The following TRABD2B variants were observed in gnomAD, a reference collection of about 807,000 sequenced individuals.
TRABD2B encodes metalloprotease TIKI2.
A neutral mutation model predicts 40.1 loss-of-function variants in TRABD2B; 14 were observed. The observed-to-expected ratio is 0.35, with a 90% confidence interval of 0.23 to 0.55. The LOEUF (loss-of-function observed/expected upper bound fraction) is 0.55. TRABD2B is among the 20% of genes least tolerant of loss of function. The probability of loss-of-function intolerance (pLI) is 0.90; values close to 1 mark genes in which losing one functional copy is unlikely to be tolerated. For synonymous variants in TRABD2B, 263 were observed against 277.0 expected (o/e 0.95, Z 0.50); for missense variants, 541 against 648.6 (o/e 0.83, Z 1.80).
At chr1:47,828,941 C>T (rs1226152946) in intron 2 of TRABD2B, among the ~76,000 whole-genome samples, 1 of 152,202 alleles carries the variant, frequency 6.6e-6, no homozygotes, top group African/African-American at 2.4e-5. Context: ...GTCCTGTGCA[C>T]ACCTACTGTG....
At chr1:47,941,298 C>A (rs1190517622) in intron 2 of TRABD2B, among the ~76,000 whole-genome samples, 2 of 152,202 alleles carry the variant, frequency 1.3e-5, no homozygotes, top group East Asian at 3.9e-4. Flanking sequence ...CGCCACCAGA[C>A]CCCATCCTGA....
chr1:47,940,644 T>C (rs1047124683), intron 2 of TRABD2B, among the ~76,000 whole-genome samples: 1 of 152,184 alleles, frequency 6.6e-6, no homozygotes, highest in African/African-American at 2.4e-5. Context: ...ACAGGCTTCC[T>C]GAGCCCCGCT....
intron 2 of TRABD2B, among the ~76,000 whole-genome samples, chr1:47,858,482 C>T (rs1643921489): frequency 1.3e-5 from 2 of 152,196 alleles, no homozygotes; most frequent in South Asian, 2.1e-4. Flanking sequence ...TGATCTCAAA[C>T]TCCTGGCCTC....
chr1:47,863,189 C>G (rs1329504887), intron 2 of TRABD2B, among the ~76,000 whole-genome samples: 1 of 150,794 alleles, frequency 6.6e-6, no homozygotes, highest in African/African-American at 2.4e-5. Flanking sequence ...AAAGCATGAT[C>G]CATGAAAGAA....
chr1:47,874,671 G>A (rs953099414), intron 2 of TRABD2B, among the ~76,000 whole-genome samples: 1 of 151,312 alleles, frequency 6.6e-6, no homozygotes, highest in African/African-American at 2.4e-5. Flanking sequence ...GGGCTCAAGG[G>A]ATCCTCCCAC....
chr1:47,826,270 A>G lies in TRABD2B; in HGVS notation c.667-24651T>C, dbSNP rs1308098920. 1.3e-5 allele frequency among the ~76,000 whole-genome samples: 2 copies of G among 152,152 alleles called. 1 individual carries two copies. Among genetic ancestry groups the G allele is most frequent in the Non-Finnish European group, 2.9e-5 (2 of 68,020 alleles). On this transcript the variant is annotated intron_variant, in intron 2 of 6. Transcript: ENST00000606738. ...TTGAAAGGACATTTCTAATTTTACCATTGTGTTTGGTTGTGGTTTAGCTCA... is the reference window on the plus strand; with the variant it reads ...TTGAAAGGACATTTCTAATTTTACCGTTGTGTTTGGTTGTGGTTTAGCTCA...
chr1:47,986,373 A>G (rs1372895574), intron 2 of TRABD2B, among the ~76,000 whole-genome samples: 2 of 152,374 alleles, frequency 1.3e-5, no homozygotes, highest in East Asian at 3.9e-4. Flanking sequence ...CTCCAACCAC[A>G]GAATATACCA....
intron 2 of TRABD2B, among the ~76,000 whole-genome samples, chr1:47,854,448 G>A (rs1643870243): frequency 6.6e-6 from 1 of 152,098 alleles, no homozygotes; most frequent in Non-Finnish European, 1.5e-5. Context: ...TTTCCTTTGA[G>A]GTCACATAAT....
At chr1:47,811,093 C>T (rs1476175280) in intron 2 of TRABD2B, among the ~76,000 whole-genome samples, 2 of 152,178 alleles carry the variant, frequency 1.3e-5, no homozygotes, top group African/African-American at 2.4e-5. Context: ...CTGTAGAGCC[C>T]TGTGGTCTTT....
intron 2 of TRABD2B, among the ~76,000 whole-genome samples, chr1:47,873,009 G>A (rs34554207): frequency 0.013 from 1,924 of 152,306 alleles, 18 homozygotes; most frequent in Middle Eastern, 0.048. Flanking sequence ...TCAGTGCCTG[G>A]TGGGGCCCAC....
At chr1:47,974,065 C>T (rs1175845442) in intron 2 of TRABD2B, among the ~76,000 whole-genome samples, 2 of 152,168 alleles carry the variant, frequency 1.3e-5, no homozygotes, top group African/African-American at 2.4e-5. Context: ...GATCACACCA[C>T]ACCACTGCAC....
At position 47,766,096 on chromosome 1, in the gene TRABD2B, A is replaced by G. The variant is rs1569862210; in HGVS notation, c.1360T>C (p.Ser454Pro). Residue 454 changes from serine (S) to proline (P), a missense_variant, in exon 7 of 7, where the codon TCA (serine) becomes CCA (proline). Transcript: ENST00000606738. Reference sequence around the variant, plus strand: ...GGCTGCAGGGGCAGCGGGGGTGGTGAGGCGGTGGTGCTGGAAAGGAGGAAG... The same window carrying G: ...GGCTGCAGGGGCAGCGGGGGTGGTGGGGCGGTGGTGCTGGAAAGGAGGAAG... ...WVRIEDSTTA[S>P]PPPLPLQPTH... 1.4e-6 allele frequency: 1 copy of G among 701,458 alleles called. No homozygotes were observed. Among genetic ancestry groups the G allele is most frequent in the Non-Finnish European group, 2.6e-6 (1 of 384,342 alleles). The allele number at this position is 701,458 out of a possible 1,614,324, so 43.5% of individuals were successfully genotyped here. A position where few individuals can be genotyped will look rare whatever the true frequency, so the allele number is the denominator to read the frequency against.
chr1:47,984,826 G>A (rs1327950674), intron 2 of TRABD2B, among the ~76,000 whole-genome samples: 1 of 150,928 alleles, frequency 6.6e-6, no homozygotes, highest in East Asian at 2.0e-4. Context: ...ACAAGCCACA[G>A]CCTCCCTCCT....
intron 2 of TRABD2B, among the ~76,000 whole-genome samples, chr1:47,849,360 G>A (rs752001499): frequency 5.9e-5 from 9 of 152,206 alleles, no homozygotes; most frequent in Non-Finnish European, 1.2e-4. Context: ...GTGAACGAAG[G>A]AGGAAGGCCC....
intron 2 of TRABD2B, among the ~76,000 whole-genome samples, chr1:47,902,708 G>C (rs1035259288): frequency 6.6e-6 from 1 of 152,066 alleles, no homozygotes; most frequent in Non-Finnish European, 1.5e-5. Context: ...GGCTGGTCTT[G>C]AACTCCTGGC....
At chr1:47,881,977 C>A (rs1644310096) in intron 2 of TRABD2B, among the ~76,000 whole-genome samples, 1 of 152,216 alleles carries the variant, frequency 6.6e-6, no homozygotes, top group African/African-American at 2.4e-5. Context: ...GGCTCTGACG[C>A]ATTGCCTGTG....
intron 2 of TRABD2B, among the ~76,000 whole-genome samples, chr1:47,910,357 G>T (rs1354173426): frequency 6.6e-6 from 1 of 152,170 alleles, no homozygotes; most frequent in African/African-American, 2.4e-5. Flanking sequence ...TCCTCAGAAG[G>T]CCTTTCCTGA....
At chr1:47,880,528 T>C (rs1014992582) in intron 2 of TRABD2B, among the ~76,000 whole-genome samples, 1 of 152,208 alleles carries the variant, frequency 6.6e-6, no homozygotes, top group African/African-American at 2.4e-5. Flanking sequence ...GGAACGCGGA[T>C]ACCAGGTCAA....
chr1:47,871,660 C>T (rs1311797410), intron 2 of TRABD2B, among the ~76,000 whole-genome samples: 4 of 152,156 alleles, frequency 2.6e-5, no homozygotes, highest in Non-Finnish European at 5.9e-5. Flanking sequence ...TAACCCTGCC[C>T]ACTTCACAGG....
Sources: allele counts gnomAD v4.1 joint callset (sites outside exome capture counted in the v4.1 genomes callset), GRCh38; gene constraint gnomAD v4.1.1; transcripts MANE v1.5; gene names NCBI Gene and HGNC (gene_info 2026-07-23, HGNC 2026-07-21).